NSG1: variants seen among roughly 807,000 people sequenced by gnomAD.
The protein encoded by NSG1 is neuronal vesicle trafficking-associated protein 1.
Under a neutral mutation model 19.3 loss-of-function variants are expected in NSG1, and 9 were observed. The ratio of observed to expected loss-of-function variants is 0.47; its 90% CI spans 0.28 to 0.81. NSG1 has a LOEUF of 0.81. NSG1 is among the 40% of genes least tolerant of loss of function. NSG1 has a pLI of 0.11. For synonymous variants in NSG1, 104 were observed against 107.0 expected, an observed-to-expected ratio of 0.97 and a Z score of 0.17; for missense variants, 236 against 242.4, an observed-to-expected ratio of 0.97 and a Z score of 0.18.
intron 3 of NSG1, among the ~76,000 whole-genome samples, chr4:4,401,733 G>GA (rs1391688067): frequency 2.0e-5 from 3 of 152,180 alleles, no homozygotes; most frequent in Admixed American, 2.0e-4. Context: ...CAGTAAGAAG[G>GA]AAGAAGGCAG....
chr4:4,405,632 CCCTGCAGTGGCTGAGGAGACCCCAGCT>C (rs1274077841), intron 3 of NSG1, among the ~76,000 whole-genome samples: 1 of 152,168 alleles, frequency 6.6e-6, no homozygotes, highest in Non-Finnish European at 1.5e-5. Context: ...CCATGCTGTG[CCCTGCAGTGGCTGAGGAGACCCCAGCT>C]CCAGAGTCTG....
intron 2 of NSG1, among the ~76,000 whole-genome samples, chr4:4,389,044 C>T (rs990065539): frequency 6.6e-6 from 1 of 152,224 alleles, no homozygotes; most frequent in African/African-American, 2.4e-5. Flanking sequence ...GGCCTGGCCC[C>T]GAGGCCCCCA....
chr4:4,408,440 C>A (rs1723984900), intron 3 of NSG1, among the ~76,000 whole-genome samples: 2 of 152,194 alleles, frequency 1.3e-5, no homozygotes, highest in Admixed American at 1.3e-4. Flanking sequence ...GGAGGGCCAT[C>A]TGCACGCTGT....
intron 4 of NSG1, among the ~76,000 whole-genome samples, chr4:4,413,252 G>A (rs918742133): frequency 6.6e-6 from 1 of 151,956 alleles, no homozygotes; most frequent in Non-Finnish European, 1.5e-5. Context: ...AGGGCCCAGG[G>A]GTTGGGCATG....
chr4:4,412,701 A>G (rs921399358), intron 4 of NSG1, among the ~76,000 whole-genome samples: 2 of 152,016 alleles, frequency 1.3e-5, no homozygotes, highest in African/African-American at 4.8e-5. Flanking sequence ...GAATCCATAC[A>G]CTCGGTAGCT....
chr4:4,412,764 C>T (rs1724284621), intron 4 of NSG1, among the ~76,000 whole-genome samples: 1 of 152,184 alleles, frequency 6.6e-6, no homozygotes, highest in African/African-American at 2.4e-5. Context: ...TTCCCAGAGT[C>T]AGTGTGAGAT....
chr4:4,387,561 C>CCGGGGGGGGGGGGGGGG, intron 1 of NSG1, 43 bp from the exon 2 acceptor site: 47 of 1,141,928 alleles, frequency 4.1e-5, no homozygotes, highest in East Asian at 1.1e-4. Flanking sequence ...CGCCCCGCCC[C>CCGGGGGGGGGGGGGGGG]GGGTCTTGCT....
In NSG1 at chr4:4,388,146, C is replaced by T. The variant is rs74400057; in HGVS notation, c.129+388C>T. 7.3e-3 allele frequency among the ~76,000 whole-genome samples: 1,107 copies of T among 151,434 alleles called. 7 individuals carry two copies. Among genetic ancestry groups the T allele is most frequent in the Non-Finnish European group, 0.011 (756 of 67,704 alleles). Reference sequence around the variant, plus strand: ...GGGCGAGGCTGCCCCTGTACCTTCCCGGGTGTGGCAGTTCAGCCCGACTTG... The same window carrying T: ...GGGCGAGGCTGCCCCTGTACCTTCCTGGGTGTGGCAGTTCAGCCCGACTTG... On this transcript the variant is annotated intron_variant, in intron 2 of 4. Coordinates refer to ENST00000621129, the MANE Select transcript of NSG1 (RefSeq NM_014392.5).
chr4:4,408,657 G>A lies in NSG1; in HGVS notation c.247-916G>A, dbSNP rs575871297. Among the ~76,000 whole-genome samples the A allele has an allele frequency of 9.9e-5, 15 of 152,224 alleles. No homozygotes were observed. The East Asian group carries it at 2.9e-3, about 29-fold the overall frequency. ...TTATTTTTAGTAGAGATGGGGTTTC[G>A]CCCTGTTGGCCAAGCTGGTGTCGAA... On this transcript the variant is annotated intron_variant, in intron 3 of 4. Transcript: ENST00000621129.
intron 2 of NSG1, 93 bp downstream of exon 2, chr4:4,387,851 G>T (rs1722814395): frequency 9.4e-7 from 1 of 1,068,636 alleles, no homozygotes; most frequent in Non-Finnish European, 1.4e-6. Context: ...CGTGCGCTGG[G>T]TACGCGAAGT....
At chr4:4,412,097 G>C (rs972572469) in intron 4 of NSG1, among the ~76,000 whole-genome samples, 1 of 152,208 alleles carries the variant, frequency 6.6e-6, no homozygotes, top group Non-Finnish European at 1.5e-5. Flanking sequence ...GGCGACAGGA[G>C]GTTTCAGCTC....
intron 3 of NSG1, among the ~76,000 whole-genome samples, chr4:4,395,757 C>A (rs2108730374): frequency 6.6e-6 from 1 of 152,340 alleles, no homozygotes; most frequent in Middle Eastern, 3.4e-3. Flanking sequence ...TTAGCTCTTT[C>A]ATCTCCATGC....
At chr4:4,400,350 T>C (rs920363796) in intron 3 of NSG1, among the ~76,000 whole-genome samples, 1 of 152,218 alleles carries the variant, frequency 6.6e-6, no homozygotes, top group Non-Finnish European at 1.5e-5. Context: ...CCACTCCGTT[T>C]TGATTATCGT....
At chr4:4,403,860 T>C (rs62287951) in intron 3 of NSG1, among the ~76,000 whole-genome samples, 16,059 of 152,126 alleles carry the variant, frequency 0.11, 1,868 homozygotes, top group African/African-American at 0.3. Flanking sequence ...AATGGTAGTG[T>C]TTTGGTGTGA....
intron 4 of NSG1, among the ~76,000 whole-genome samples, chr4:4,412,666 G>A (rs1438909962): frequency 2.0e-5 from 3 of 152,280 alleles, no homozygotes; most frequent in Non-Finnish European, 2.9e-5. Flanking sequence ...CAGCTTGTGT[G>A]GGGCTTTTAC....
At chr4:4,406,735 T>C (rs1723879499) in intron 3 of NSG1, among the ~76,000 whole-genome samples, 1 of 152,138 alleles carries the variant, frequency 6.6e-6, no homozygotes. Context: ...TTCCTTTCAC[T>C]GCTATTCACA....
At chr4:4,397,332 C>T (rs1288445822) in intron 3 of NSG1, among the ~76,000 whole-genome samples, 4 of 152,158 alleles carry the variant, frequency 2.6e-5, no homozygotes, top group Non-Finnish European at 5.9e-5. Context: ...CCCTGTTAGT[C>T]TCTGATGGTT....
intron 3 of NSG1, among the ~76,000 whole-genome samples, chr4:4,406,618 TGAG>T (rs1249710528): frequency 6.6e-6 from 1 of 151,838 alleles, no homozygotes; most frequent in Non-Finnish European, 1.5e-5. Flanking sequence ...CCAGGGCCAG[TGAG>T]GAGATGAGAG....
intron 3 of NSG1, among the ~76,000 whole-genome samples, chr4:4,401,941 C>T (rs1210072113): frequency 6.6e-6 from 1 of 151,974 alleles, no homozygotes; most frequent in Non-Finnish European, 1.5e-5. Context: ...TGTGTAGTGG[C>T]ACCATCTCGG....
Sources: gnomAD v4.1 joint callset for allele counts (sites outside exome capture counted in the v4.1 genomes callset) on GRCh38, gnomAD v4.1.1 for gene constraint, MANE v1.5 for transcripts, NCBI Gene and HGNC (gene_info 2026-07-23, HGNC 2026-07-21) for gene names.